NTN4: variants seen among roughly 807,000 people sequenced by gnomAD.
NTN4 encodes the protein netrin 4, also known as netrin-4.
NTN4 carries 32 observed loss-of-function variants against 73.6 expected under a neutral mutation model. That is an observed-to-expected ratio of 0.44 (90% CI 0.33 to 0.58). The LOEUF is 0.58. Ranked by LOEUF, NTN4 falls within the 20% of genes least tolerant of loss-of-function variation. The pLI, the probability that NTN4 is intolerant of heterozygous loss-of-function variation, is 0.04. For synonymous variants in NTN4, 258 were observed against 287.5 expected, an observed-to-expected ratio of 0.90 and a Z score of 1.04; for missense variants, 654 against 798.3, an observed-to-expected ratio of 0.82 and a Z score of 2.18.
intron 3 of NTN4, among the ~76,000 whole-genome samples, chr12:95,732,760 A>AT (rs1395279883): frequency 6.6e-6 from 1 of 152,228 alleles, no homozygotes; most frequent in African/African-American, 2.4e-5. Context: ...TCTAAAATAA[A>AT]TTTTAAAAAG....
rs1397637609 is a variant in NTN4 at position 95,687,524 on chromosome 12, C to T, written c.1181-3813G>A. Among the ~76,000 whole-genome samples the T allele has an allele frequency of 2.9e-4, 44 of 151,880 alleles. 1 individual carries two copies. Among genetic ancestry groups the T allele is most frequent in the Admixed American group, 2.9e-3 (44 of 15,230 alleles). On this transcript the variant is annotated intron_variant, in intron 5 of 9. Transcript: ENST00000343702. ...CAATCTATTCTCCTGCCTCAGCCTC[C>T]CAAGTAGCTGGGATTATAGGTGCCT... is the stretch of plus-strand genomic sequence containing the variant.
At chr12:95,667,863 A>AAAATAAATAAATAAATAAATAAATAAAT (rs71087991) in intron 8 of NTN4, among the ~76,000 whole-genome samples, 2 of 148,214 alleles carry the variant, frequency 1.3e-5, no homozygotes, top group African/African-American at 5.0e-5. Context: ...CCATCTCTCA[A>AAAATAAATAAATAAATAAATAAATAAAT]AAATAAATAA....
intron 5 of NTN4, among the ~76,000 whole-genome samples, chr12:95,694,986 G>C (rs1002556136): frequency 6.6e-6 from 1 of 151,988 alleles, no homozygotes; most frequent in African/African-American, 2.4e-5. Flanking sequence ...AAATCAGCTG[G>C]GTGTGGCGGT....
At chr12:95,753,894 T>C (rs1442874344) in intron 2 of NTN4, among the ~76,000 whole-genome samples, 2 of 152,216 alleles carry the variant, frequency 1.3e-5, no homozygotes, top group African/African-American at 4.8e-5. Flanking sequence ...AAACTTGTCA[T>C]CCCTACTATC....
intron 2 of NTN4, among the ~76,000 whole-genome samples, chr12:95,745,840 G>A (rs2121200655): frequency 6.6e-6 from 1 of 151,588 alleles, no homozygotes; most frequent in Admixed American, 6.6e-5. Flanking sequence ...TTGTTATGTG[G>A]GACCAATGCA....
chr12:95,782,713 C>G (rs1213818502), intron 2 of NTN4, among the ~76,000 whole-genome samples: 1 of 152,192 alleles, frequency 6.6e-6, no homozygotes, highest in Non-Finnish European at 1.5e-5. Context: ...TTTCATAATG[C>G]CCTGGAGAAA....
chr12:95,713,098 G>T, intron 4 of NTN4, 114 bp downstream of exon 4: 1 of 1,257,420 alleles, frequency 8.0e-7, no homozygotes, highest in Non-Finnish European at 1.1e-6. Context: ...GTTTGTGTAG[G>T]GTCTAGTGTT....
intron 7 of NTN4, among the ~76,000 whole-genome samples, chr12:95,681,711 C>T (rs956810236): frequency 6.6e-6 from 1 of 151,934 alleles, no homozygotes; most frequent in Non-Finnish European, 1.5e-5. Context: ...GCATGCCCTT[C>T]GAAAGAAGAA....
At chr12:95,774,559 C>A (rs2079078849) in intron 2 of NTN4, among the ~76,000 whole-genome samples, 1 of 152,208 alleles carries the variant, frequency 6.6e-6, no homozygotes, top group Admixed American at 6.5e-5. Flanking sequence ...AGCATTCCTA[C>A]TCATATAAGA....
At chr12:95,746,501 T>C (rs1321626865) in intron 2 of NTN4, among the ~76,000 whole-genome samples, 1 of 152,198 alleles carries the variant, frequency 6.6e-6, no homozygotes, top group East Asian at 1.9e-4. Flanking sequence ...AAACGGACTC[T>C]TAATTCATCT....
Position 95,790,235 on chromosome 12 carries a change from C to A in NTN4, c.55+20G>T, listed in dbSNP as rs2079198190. ...AAGCAGCGAGGGAAGGGGTGGGGGC[C>A]CCGCCGCGTCACCACCCACCTGCGG... On this transcript the variant is annotated intron_variant, in intron 1 of 9. Transcript: ENST00000343702. This position sits in a 1 kb window ranked among gnomAD's most constrained non-coding sequence, Gnocchi z 6.5. 1 of 1,530,418 alleles carries A rather than the reference C, an allele frequency of 6.5e-7. No individual in the cohort carries two copies. The highest frequency in any genetic ancestry group is 8.8e-7 in the Non-Finnish European group (1 of 1,138,214). 94.8% of individuals were successfully genotyped at this position (1,530,418 alleles called of 1,614,324 possible).
intron 2 of NTN4, among the ~76,000 whole-genome samples, chr12:95,780,347 A>G (rs1275681921): frequency 5.9e-5 from 9 of 152,250 alleles, no homozygotes; most frequent in South Asian, 2.1e-4. Flanking sequence ...AGAAACTACC[A>G]TCAGAGTGAA....
chr12:95,720,158 T>C (rs2078635884), intron 3 of NTN4, among the ~76,000 whole-genome samples: 1 of 152,192 alleles, frequency 6.6e-6, no homozygotes, highest in Non-Finnish European at 1.5e-5. Context: ...AAAAATGCAC[T>C]TACCCTCAGG....
chr12:95,697,214 T>G (rs77816401), intron 5 of NTN4, among the ~76,000 whole-genome samples: 1 of 151,958 alleles, frequency 6.6e-6, no homozygotes, highest in Non-Finnish European at 1.5e-5. Flanking sequence ...TCTAACTTGA[T>G]AGGGGACATT....
intron 2 of NTN4, among the ~76,000 whole-genome samples, chr12:95,761,349 C>T (rs1313056882): frequency 3.6e-5 from 5 of 138,054 alleles, no homozygotes; most frequent in Admixed American, 1.9e-4. Context: ...TTCCCCAAGA[C>T]GGAGTCTCGC....
At chr12:95,756,624 G>T (rs766759856) in intron 2 of NTN4, among the ~76,000 whole-genome samples, 2 of 152,016 alleles carry the variant, frequency 1.3e-5, no homozygotes, top group Non-Finnish European at 2.9e-5. Flanking sequence ...CCCACACTTA[G>T]GAATACCCCA....
chr12:95,679,537 C>T (rs759098898), intron 7 of NTN4, among the ~76,000 whole-genome samples: 3 of 151,422 alleles, frequency 2.0e-5, no homozygotes, highest in Non-Finnish European at 4.4e-5. Flanking sequence ...CCTTTGAAAC[C>T]CTGTAATCCT....
chr12:95,735,905 TTTTA>T (rs201591613), intron 3 of NTN4, among the ~76,000 whole-genome samples: 15,125 of 101,358 alleles, frequency 0.15, 990 homozygotes, highest in East Asian at 0.33. Context: ...TTTTTTAAAT[TTTTA>T]TTTATTTATT....
chr12:95,706,980 A>G (rs2078525875), intron 5 of NTN4, among the ~76,000 whole-genome samples: 1 of 152,182 alleles, frequency 6.6e-6, no homozygotes, highest in Non-Finnish European at 1.5e-5. Context: ...CAGATTTCCC[A>G]GGTGATGCTG....
Sources: gnomAD v4.1 joint callset for allele counts (sites outside exome capture counted in the v4.1 genomes callset) on GRCh38, gnomAD v4.1.1 for gene constraint, Gnocchi (gnomAD v3.1) non-coding constraint, MANE v1.5 for transcripts, NCBI Gene and HGNC (gene_info 2026-07-23, HGNC 2026-07-21) for gene names.